The following ERBB4 variants were observed in gnomAD, a reference collection of about 807,000 sequenced individuals.
ERBB4 encodes receptor tyrosine-protein kinase erbB-4.
A neutral mutation model predicts 158.0 loss-of-function variants in ERBB4; 42 were observed. The ratio of observed to expected loss-of-function variants is 0.27; its 90% CI spans 0.21 to 0.34. The LOEUF (loss-of-function observed/expected upper bound fraction) is 0.34, where lower values mean the gene tolerates loss of function less well. ERBB4 is among the 10% of genes least tolerant of loss of function. The probability of loss-of-function intolerance (pLI) is 1.00; values close to 1 mark genes in which losing one functional copy is unlikely to be tolerated. For synonymous variants in ERBB4, 583 were observed against 558.7 expected, an observed-to-expected ratio of 1.04 and a Z score of -0.61; for missense variants, 1,333 against 1,624.1, an observed-to-expected ratio of 0.82 and a Z score of 3.08.
intron 2 of ERBB4, among the ~76,000 whole-genome samples, chr2:212,047,181 A>C (rs1375280853): frequency 1.3e-5 from 2 of 152,088 alleles, no homozygotes; most frequent in Non-Finnish European, 2.9e-5. Flanking sequence ...TACCTCTAAC[A>C]CTCTTTATCC....
At chr2:211,676,588 A>G (rs2072081616) in intron 13 of ERBB4, among the ~76,000 whole-genome samples, 2 of 152,084 alleles carry the variant, frequency 1.3e-5, no homozygotes, top group South Asian at 4.1e-4. Context: ...ACAAAAAATC[A>G]AGATGAAAAA....
intron 1 of ERBB4, chr2:212,429,132 G>T (rs2091973132): frequency 6.6e-6 from 1 of 152,336 alleles, no homozygotes; most frequent in South Asian, 2.1e-4. Context: ...AGGGAAGAGA[G>T]AGATTATAGA....
At chr2:211,998,163 C>G (rs1182448514) in intron 2 of ERBB4, among the ~76,000 whole-genome samples, 1 of 151,514 alleles carries the variant, frequency 6.6e-6, no homozygotes, top group Non-Finnish European at 1.5e-5. Flanking sequence ...TGCACATGTA[C>G]CCTAAAACTT....
intron 1 of ERBB4, among the ~76,000 whole-genome samples, chr2:212,154,136 G>A (rs2080957969): frequency 6.6e-6 from 1 of 152,044 alleles, no homozygotes; most frequent in Non-Finnish European, 1.5e-5. Flanking sequence ...ACATTGATGG[G>A]CAAATGAATG....
intron 1 of ERBB4, among the ~76,000 whole-genome samples, chr2:212,279,626 A>G (rs1361469334): frequency 6.6e-6 from 1 of 151,694 alleles, no homozygotes; most frequent in African/African-American, 2.4e-5. Context: ...TAATTTTAAA[A>G]GATAGCTTTT....
chr2:212,230,284 A>G (rs1359306855), intron 1 of ERBB4, among the ~76,000 whole-genome samples: 1 of 151,922 alleles, frequency 6.6e-6, no homozygotes, highest in Non-Finnish European at 1.5e-5. Flanking sequence ...CTCTGTCTTG[A>G]AAAAAAAGGA....
intron 7 of ERBB4, among the ~76,000 whole-genome samples, chr2:211,719,495 G>A (rs1336823950): frequency 1.3e-5 from 2 of 152,100 alleles, no homozygotes; most frequent in East Asian, 3.9e-4. Context: ...CATCCTTCAT[G>A]CTAAGCTTCT....
At chr2:211,836,781 C>T (rs1199962964) in intron 3 of ERBB4, among the ~76,000 whole-genome samples, 1 of 151,516 alleles carries the variant, frequency 6.6e-6, no homozygotes, top group Non-Finnish European at 1.5e-5. Flanking sequence ...AAATAGCTTG[C>T]TATATATTAT....
At chr2:211,777,101 C>T (rs1352780709) in intron 4 of ERBB4, 4 of 152,142 alleles carry the variant, frequency 2.6e-5, no homozygotes, top group Non-Finnish European at 5.9e-5. Context: ...GGAAATAGTT[C>T]TTCAAATTGA....
intron 1 of ERBB4, among the ~76,000 whole-genome samples, chr2:212,349,352 C>G (rs554984574): frequency 1.3e-5 from 2 of 151,840 alleles, no homozygotes; most frequent in South Asian, 4.1e-4. Context: ...CCTGCTGTGA[C>G]TAGCGACTAC....
At chr2:211,815,488 A>T (rs995639277) in intron 3 of ERBB4, among the ~76,000 whole-genome samples, 4 of 152,256 alleles carry the variant, frequency 2.6e-5, no homozygotes, top group African/African-American at 9.6e-5. Flanking sequence ...AAAAAAGTTA[A>T]GAAATGATAA....
At chr2:211,883,991 A>C (rs2078730863) in intron 3 of ERBB4, among the ~76,000 whole-genome samples, 1 of 152,176 alleles carries the variant, frequency 6.6e-6, no homozygotes, top group African/African-American at 2.4e-5. Flanking sequence ...GAAATAGAGA[A>C]AATTACTTCT....
At chr2:212,075,406 C>T (rs2078245439) in intron 2 of ERBB4, among the ~76,000 whole-genome samples, 2 of 151,770 alleles carry the variant, frequency 1.3e-5, no homozygotes, top group African/African-American at 4.8e-5. Flanking sequence ...TAAAATTATA[C>T]AATCATTGAA....
intron 2 of ERBB4, among the ~76,000 whole-genome samples, chr2:212,093,065 A>C (rs1186794183): frequency 3.3e-5 from 5 of 152,216 alleles, no homozygotes; most frequent in Admixed American, 6.5e-5. Flanking sequence ...CCAAATGTGG[A>C]GCTAGATGGC....
At chr2:212,148,109 T>C (rs1450260146) in intron 1 of ERBB4, among the ~76,000 whole-genome samples, 1 of 152,114 alleles carries the variant, frequency 6.6e-6, no homozygotes, top group African/African-American at 2.4e-5. Flanking sequence ...ATTCCATTCA[T>C]CACCAGGGGG....
chr2:212,381,057 G>T (rs1444758473), intron 1 of ERBB4, among the ~76,000 whole-genome samples: 1 of 151,268 alleles, frequency 6.6e-6, no homozygotes, highest in African/African-American at 2.4e-5. Flanking sequence ...ACCGAAAAAA[G>T]TCATAGTTAA....
intron 1 of ERBB4, among the ~76,000 whole-genome samples, chr2:212,438,814 G>T (rs1181394432): frequency 6.6e-6 from 1 of 152,082 alleles, no homozygotes; most frequent in Non-Finnish European, 1.5e-5. Flanking sequence ...CCAGAAGAAT[G>T]AATGTATAGC....
At chr2:211,439,280 C>A (rs1057451119) in intron 20 of ERBB4, among the ~76,000 whole-genome samples, 1 of 152,124 alleles carries the variant, frequency 6.6e-6, no homozygotes, top group African/African-American at 2.4e-5. Context: ...GTTACTGATG[C>A]CAGGCAAATT....
intron 2 of ERBB4, among the ~76,000 whole-genome samples, chr2:212,074,261 C>T (rs2078211032): frequency 6.6e-6 from 1 of 151,974 alleles, no homozygotes; most frequent in African/African-American, 2.4e-5. Context: ...CAATTGTATC[C>T]AGACAACTAA....
Sources: gnomAD v4.1 joint callset for allele counts (sites outside exome capture counted in the v4.1 genomes callset) on GRCh38, gnomAD v4.1.1 for gene constraint, MANE v1.5 for transcripts, NCBI Gene and HGNC (gene_info 2026-07-23, HGNC 2026-07-21) for gene names.